Variants in KDM6A observed in about 807,000 individuals in gnomAD.
KDM6A encodes the protein lysine demethylase 6A, also known as lysine-specific demethylase 6A.
A neutral mutation model predicts 117.6 loss-of-function variants in KDM6A; 11 were observed. The observed-to-expected ratio is 0.09, with a 90% confidence interval of 0.06 to 0.15. KDM6A has a LOEUF of 0.15. Among genes scored for constraint, KDM6A ranks in the 10% least tolerant of loss-of-function variants. KDM6A has a pLI of 1.00. For synonymous variants in KDM6A, 384 were observed against 396.1 expected, an observed-to-expected ratio of 0.97 and a Z score of 0.36; for missense variants, 799 against 1,077.3, an observed-to-expected ratio of 0.74 and a Z score of 3.62.
intron 6 of KDM6A, among the ~76,000 whole-genome samples, chrX:45,033,405 G>C (rs764032610): frequency 2.7e-5 from 3 of 111,292 alleles, no homozygotes; most frequent in Non-Finnish European, 5.7e-5. Context: ...TGATTTTTCA[G>C]TTTTATTTTG....
intron 2 of KDM6A, among the ~76,000 whole-genome samples, chrX:44,912,169 A>T (rs750197228): frequency 1.8e-5 from 2 of 110,719 alleles, no homozygotes; most frequent in East Asian, 5.7e-4. Flanking sequence ...GCTCACTGCA[A>T]CCTTCGCCTC....
chrX:45,047,674 CTTTTTTTTTTTTTT>C (rs78749806), intron 8 of KDM6A, among the ~76,000 whole-genome samples: 440 of 36,351 alleles, frequency 0.012, 4 homozygotes, highest in African/African-American at 0.037. Flanking sequence ...CTTTTTTTTT[CTTTTTTTTTTTTTT>C]TTTTTTTTTT....
intron 3 of KDM6A, among the ~76,000 whole-genome samples, chrX:44,964,325 T>C (rs2038892401): frequency 9.3e-6 from 1 of 107,241 alleles, no homozygotes; most frequent in Admixed American, 1.0e-4. Flanking sequence ...GGTGTGTGCC[T>C]GTATTCCCAG....
intron 28 of KDM6A, among the ~76,000 whole-genome samples, chrX:45,108,579 G>GAACTAGAAAT (rs2046618581): frequency 9.3e-6 from 1 of 107,862 alleles, no homozygotes; most frequent in African/African-American, 3.4e-5. Flanking sequence ...CAGGGATCTA[G>GAACTAGAAAT]AACTAGAAAT....
At chrX:44,972,864 G>A (rs1045579880) in intron 3 of KDM6A, among the ~76,000 whole-genome samples, 9 of 109,945 alleles carry the variant, frequency 8.2e-5, no homozygotes, top group Admixed American at 2.9e-4. Context: ...GTGAAACCCC[G>A]CCTCTACTAA....
chrX:44,991,153 C>T (rs939541084), intron 4 of KDM6A, among the ~76,000 whole-genome samples: 3 of 111,364 alleles, frequency 2.7e-5, no homozygotes, highest in Non-Finnish European at 5.7e-5. Flanking sequence ...ATAGTTAGGT[C>T]CTTAATTAAT....
chrX:44,901,834 C>T (rs2034367256), intron 2 of KDM6A, among the ~76,000 whole-genome samples: 1 of 112,163 alleles, frequency 8.9e-6, no homozygotes, highest in Non-Finnish European at 1.9e-5. Context: ...TTATTGTTTG[C>T]ATGGTACATA....
In KDM6A at chrX:45,052,733, G is replaced by A. The variant is rs1035999755; in HGVS notation, c.748+931G>A. On this transcript the variant is annotated intron_variant, in intron 9 of 29. Transcript: ENST00000611820. The stretch of plus-strand genomic sequence containing the variant: ...TTTATTTTAGACAGAGTCTCGCTCT[G>A]TCCCCTAGGCTGGAATACAGTGTCG... 5.4e-5 allele frequency among the ~76,000 whole-genome samples: 6 copies of A among 111,606 alleles called. No individual in the cohort carries two copies. The Admixed American group carries it at 5.7e-4, about 11-fold the overall frequency.
At chrX:44,906,305 G>A (rs1251266518) in intron 2 of KDM6A, among the ~76,000 whole-genome samples, 1 of 110,017 alleles carries the variant, frequency 9.1e-6, no homozygotes, top group East Asian at 2.9e-4. Context: ...CATGTACCAC[G>A]CCTGGCTAAT....
chrX:44,964,346 G>A (rs907148145), intron 3 of KDM6A, among the ~76,000 whole-genome samples: 1 of 106,405 alleles, frequency 9.4e-6, no homozygotes, highest in Non-Finnish European at 1.9e-5. Context: ...CTACTCAGGA[G>A]GTTGAGGAAG....
intron 8 of KDM6A, among the ~76,000 whole-genome samples, chrX:45,042,134 C>T (rs755465974): frequency 0.023 from 2,503 of 108,232 alleles, 45 homozygotes; most frequent in Non-Finnish European, 0.037. Flanking sequence ...CGCCTGCAAT[C>T]GCAGGCACTC....
chrX:44,930,853 G>A (rs1363467285), intron 2 of KDM6A, among the ~76,000 whole-genome samples: 1 of 111,679 alleles, frequency 9.0e-6, no homozygotes, highest in Non-Finnish European at 1.9e-5. Flanking sequence ...ATACTAAACA[G>A]AAAAGTTTCT....
At chrX:45,019,956 C>T (rs926813191) in intron 5 of KDM6A, among the ~76,000 whole-genome samples, 1 of 110,993 alleles carries the variant, frequency 9.0e-6, no homozygotes, top group Non-Finnish European at 1.9e-5. Context: ...AACTGATAGA[C>T]GAAGAAAAGC....
At chrX:44,907,283 G>T (rs866523065) in intron 2 of KDM6A, among the ~76,000 whole-genome samples, 14 of 110,548 alleles carry the variant, frequency 1.3e-4, no homozygotes, top group African/African-American at 3.9e-4. Context: ...TCCTTTTTTT[G>T]TTGTTGTTGT....
chrX:45,012,831 G>T (rs2041824399), intron 5 of KDM6A, among the ~76,000 whole-genome samples: 1 of 111,544 alleles, frequency 9.0e-6, no homozygotes, highest in African/African-American at 3.3e-5. Flanking sequence ...ATACCTGTGT[G>T]TATATAGTGT....
At chrX:45,041,406 G>T (rs1238445491) in intron 8 of KDM6A, among the ~76,000 whole-genome samples, 3 of 99,862 alleles carry the variant, frequency 3.0e-5, no homozygotes, top group Admixed American at 1.0e-4. Flanking sequence ...CCTCCCGGAC[G>T]GGGCAGCTGG....
At chrX:44,984,405 C>G (rs1283033950) in intron 4 of KDM6A, among the ~76,000 whole-genome samples, 1 of 111,199 alleles carries the variant, frequency 9.0e-6, no homozygotes, top group Non-Finnish European at 1.9e-5. Context: ...TGCAGAAGCT[C>G]TTTAGTTTAA....
intron 4 of KDM6A, among the ~76,000 whole-genome samples, chrX:44,987,351 C>A (rs1346756760): frequency 9.0e-6 from 1 of 111,491 alleles, no homozygotes; most frequent in African/African-American, 3.3e-5. Flanking sequence ...TGGGTCTTGA[C>A]TCTTTATCCA....
At chrX:45,110,900 A>T (rs1490437603) in intron 29 of KDM6A, among the ~76,000 whole-genome samples, 1 of 111,986 alleles carries the variant, frequency 8.9e-6, no homozygotes, top group African/African-American at 3.2e-5. Flanking sequence ...TCCCACACAT[A>T]TGTGATCAGA....
Sources: gnomAD v4.1 joint callset for allele counts (sites outside exome capture counted in the v4.1 genomes callset) on GRCh38, gnomAD v4.1.1 for gene constraint, MANE v1.5 for transcripts, NCBI Gene and HGNC (gene_info 2026-07-23, HGNC 2026-07-21) for gene names.